Variants in NCOA2 observed in about 807,000 individuals in gnomAD.
NCOA2 encodes the protein class E basic helix-loop-helix protein 75.
In NCOA2, 21 loss-of-function variants were observed where a neutral mutation model predicts 145.1. The observed-to-expected ratio is 0.14, with a 90% confidence interval of 0.10 to 0.21. The LOEUF is 0.21. Ranked by LOEUF, NCOA2 falls within the 10% of genes least tolerant of loss-of-function variation. The pLI, the probability that NCOA2 is intolerant of heterozygous loss-of-function variation, is 1.00. For missense variants in NCOA2, 1,472 were observed against 1,837.6 expected (o/e 0.80, Z 3.64); for synonymous variants, 619 against 637.5 (o/e 0.97, Z 0.44).
intron 1 of NCOA2, among the ~76,000 whole-genome samples, chr8:70,317,880 A>T (rs980704940): frequency 6.6e-6 from 1 of 152,144 alleles, no homozygotes; most frequent in Non-Finnish European, 1.5e-5. Flanking sequence ...AGCTACGATC[A>T]TGTCACTGTA....
chr8:70,447,485 G>A, the NCOA2 span, among the ~76,000 whole-genome samples: 1 of 152,064 alleles, frequency 6.6e-6, no homozygotes, highest in Admixed American at 6.6e-5. Flanking sequence ...TGTCCAGTCT[G>A]TTCGCCATCC....
intron 2 of NCOA2, among the ~76,000 whole-genome samples, chr8:70,278,565 C>T (rs1485608249): frequency 6.6e-6 from 1 of 152,094 alleles, no homozygotes; most frequent in Non-Finnish European, 1.5e-5. Context: ...CTGCCACTAC[C>T]CCTCAGTTCA....
At chr8:70,128,163 C>T (rs147973991) in intron 18 of NCOA2, among the ~76,000 whole-genome samples, 27 of 152,280 alleles carry the variant, frequency 1.8e-4, no homozygotes, top group Admixed American at 1.5e-3. Context: ...CTCCTAGGAA[C>T]GATAGTTGGC....
At chr8:70,440,683 AAGAG>A in the NCOA2 span, among the ~76,000 whole-genome samples, 12 of 151,444 alleles carry the variant, frequency 7.9e-5, no homozygotes, top group Admixed American at 2.6e-4. Flanking sequence ...GAAAGAAAGA[AAGAG>A]AGAAAGAGGA....
chr8:70,232,870 T>TAAACACACACACAC (rs1491186406), intron 2 of NCOA2, among the ~76,000 whole-genome samples: 1 of 145,232 alleles, frequency 6.9e-6, no homozygotes, highest in Admixed American at 6.9e-5. Context: ...ATTTAGAATT[T>TAAACACACACACAC]ACACACACAC....
rs1825216687 is a variant in NCOA2 at position 70,273,371 on chromosome 8, AAG to A, written c.-20+23371_-20+23372del. Reference sequence around the variant, plus strand: ...CGCGCAGCCCCTTATCCGCTGCGACAAGATGAAAGAAACAATCATGAACCAGG... The same window carrying A: ...CGCGCAGCCCCTTATCCGCTGCGACAATGAAAGAAACAATCATGAACCAGG... On this transcript the variant is annotated intron_variant, in intron 2 of 22. Transcript: ENST00000452400. 21 of 691,300 alleles carry A rather than the reference AAG, an allele frequency of 3.0e-5. No individual in the cohort carries two copies. In the Admixed American group the frequency reaches 5.4e-4, roughly 18 times the overall value. The allele number at this position is 691,300 out of a possible 1,614,324, so 42.8% of individuals were successfully genotyped here.
chr8:70,349,539 G>C (rs1280799798), intron 1 of NCOA2, among the ~76,000 whole-genome samples: 2 of 151,950 alleles, frequency 1.3e-5, no homozygotes, highest in African/African-American at 4.8e-5. Flanking sequence ...ACTCCGTATA[G>C]AAGGAAGCTT....
At chr8:70,379,813 A>G (rs1447162978) in intron 1 of NCOA2, among the ~76,000 whole-genome samples, 1 of 135,544 alleles carries the variant, frequency 7.4e-6, no homozygotes, top group East Asian at 2.7e-4. Context: ...TAGAGCAACT[A>G]AACTTCTGAT....
At chr8:70,404,423 G>A (rs540021572), upstream of NCOA2, among the ~76,000 whole-genome samples, 1 of 152,122 alleles carries the variant, frequency 6.6e-6, no homozygotes, top group Admixed American at 6.5e-5. Flanking sequence ...GCGCCCGTCC[G>A]GCCGGACCCT....
chr8:70,312,138 C>A (rs538468735), intron 1 of NCOA2, among the ~76,000 whole-genome samples: 4 of 152,108 alleles, frequency 2.6e-5, no homozygotes, highest in African/African-American at 9.7e-5. Context: ...TCAGTGCTCA[C>A]GCAAGAGATT....
chr8:70,384,693 T>C (rs564750988), intron 1 of NCOA2, among the ~76,000 whole-genome samples: 4 of 152,186 alleles, frequency 2.6e-5, no homozygotes, highest in East Asian at 3.9e-4. Context: ...ACCCCCAAAT[T>C]TTTTCCAAAA....
At chr8:70,405,437 G>GTTTTTTTTTTTTTTTTTTTTTT (rs34814735), upstream of NCOA2, among the ~76,000 whole-genome samples, 4 of 59,364 alleles carry the variant, frequency 6.7e-5, no homozygotes, top group Non-Finnish European at 8.2e-5. Context: ...ATTTTTAAAG[G>GTTTTTTTTTTTTTTTTTTTTTT]TTTTTTTTTT....
intron 4 of NCOA2, among the ~76,000 whole-genome samples, chr8:70,189,731 G>A (rs1482027038): frequency 6.6e-6 from 1 of 152,228 alleles, no homozygotes; most frequent in Non-Finnish European, 1.5e-5. Context: ...AGGGTTTAGG[G>A]TGCACTGCCA....
chr8:70,177,455 A>G (rs1585972050), intron 4 of NCOA2, among the ~76,000 whole-genome samples: 1 of 152,152 alleles, frequency 6.6e-6, no homozygotes, highest in Admixed American at 6.5e-5. Context: ...GGCTAGACCC[A>G]CCACCAGCAC....
intron 11 of NCOA2, among the ~76,000 whole-genome samples, chr8:70,153,099 C>G (rs1265149502): frequency 1.3e-5 from 2 of 152,196 alleles, no homozygotes; most frequent in African/African-American, 2.4e-5. Context: ...CCTGTGGTAA[C>G]TTTTCAAGCT....
At chr8:70,417,879 C>T in the NCOA2 span, among the ~76,000 whole-genome samples, 16 of 152,296 alleles carry the variant, frequency 1.1e-4, no homozygotes, top group African/African-American at 3.9e-4. Flanking sequence ...ATCATTCCAG[C>T]AGTACATTAA....
chr8:70,135,171 C>T (rs1278357148), intron 15 of NCOA2, among the ~76,000 whole-genome samples: 1 of 152,132 alleles, frequency 6.6e-6, no homozygotes, highest in Admixed American at 6.5e-5. Context: ...AAACCAATAC[C>T]TTGACATTTA....
chr8:70,424,674 G>A, the NCOA2 span: 12 of 292,816 alleles, frequency 4.1e-5, no homozygotes, highest in African/African-American at 6.7e-5. Context: ...TGTGAAATAC[G>A]TGATCCCCGT....
the NCOA2 span, among the ~76,000 whole-genome samples, chr8:70,434,734 A>T: frequency 1.3e-5 from 2 of 151,892 alleles, no homozygotes; most frequent in Non-Finnish European, 2.9e-5. Flanking sequence ...TGCCCAGATA[A>T]TTTTTTTAAA....
Sources: gnomAD v4.1 joint callset for allele counts (sites outside exome capture counted in the v4.1 genomes callset) on GRCh38, gnomAD v4.1.1 for gene constraint, MANE v1.5 for transcripts, NCBI Gene and HGNC (gene_info 2026-07-23, HGNC 2026-07-21) for gene names.